The following ARHGAP24 variants were observed in gnomAD, a reference collection of about 807,000 sequenced individuals.
The protein encoded by ARHGAP24 is rho GTPase-activating protein 24.
In ARHGAP24, 50 loss-of-function variants were observed where a neutral mutation model predicts 76.4. That is an observed-to-expected ratio of 0.65 (90% confidence interval 0.52 to 0.83). The LOEUF (loss-of-function observed/expected upper bound fraction) is 0.83, where lower values mean the gene tolerates loss of function less well. Ranked by LOEUF, ARHGAP24 falls within the 40% of genes least tolerant of loss-of-function variation. The probability of loss-of-function intolerance (pLI) is 0.00; values close to 1 mark genes in which losing one functional copy is unlikely to be tolerated. For missense variants in ARHGAP24, 930 were observed against 914.2 expected (o/e 1.02, Z -0.22); for synonymous variants, 345 against 323.3 (o/e 1.07, Z -0.72).
intron 1 of ARHGAP24, among the ~76,000 whole-genome samples, chr4:85,567,030 G>A (rs1304555222): frequency 6.6e-6 from 1 of 152,148 alleles, no homozygotes; most frequent in Non-Finnish European, 1.5e-5. Context: ...GTATGGGGAG[G>A]GATGGGGAGA....
chr4:85,717,137 G>C (rs1404340814), intron 2 of ARHGAP24, among the ~76,000 whole-genome samples: 1 of 152,080 alleles, frequency 6.6e-6, no homozygotes, highest in Non-Finnish European at 1.5e-5. Flanking sequence ...TGGCTCAAGT[G>C]CATGGGGATG....
chr4:85,754,631 A>G (rs1726402924), intron 3 of ARHGAP24, among the ~76,000 whole-genome samples: 1 of 152,240 alleles, frequency 6.6e-6, no homozygotes, highest in South Asian at 2.1e-4. Flanking sequence ...TGAAGAATTC[A>G]ATACTTCTTA....
intron 4 of ARHGAP24, among the ~76,000 whole-genome samples, chr4:85,933,189 A>C (rs1360088496): frequency 1.3e-5 from 2 of 152,152 alleles, no homozygotes; most frequent in African/African-American, 4.8e-5. Context: ...TAAGGAATGC[A>C]ATAAGGAGAA....
At chr4:85,798,810 G>A (rs1393739506) in intron 3 of ARHGAP24, among the ~76,000 whole-genome samples, 1 of 151,984 alleles carries the variant, frequency 6.6e-6, no homozygotes, top group Admixed American at 6.6e-5. Context: ...GGGAAACAAA[G>A]TTCTTTTTAA....
intron 3 of ARHGAP24, among the ~76,000 whole-genome samples, chr4:85,757,539 C>G (rs1726555713): frequency 6.6e-6 from 1 of 152,172 alleles, no homozygotes; most frequent in Non-Finnish European, 1.5e-5. Flanking sequence ...CTACAAAGGA[C>G]ATGAACTCAT....
Position 85,994,857 on chromosome 4 carries a change from C to T in ARHGAP24, c.1203C>T (p.Asn401=), listed in dbSNP as rs746130526. 6.2e-7 allele frequency: 1 copy of T among 1,614,144 alleles called. No individual in the cohort carries two copies. Among genetic ancestry groups the T allele is most frequent in the Non-Finnish European group, 8.5e-7 (1 of 1,180,024 alleles). Reference sequence around the variant, plus strand: ...CAGCTCTATCAGGCAGCAAAACCAACAGCCCAAAGAACAGTGTTCACAAGC... The same window carrying T: ...CAGCTCTATCAGGCAGCAAAACCAATAGCCCAAAGAACAGTGTTCACAAGC... ...SPTALSGSKT[N]SPKNSVHKLD... The change falls in exon 9 of 10, where the codon AAC becomes AAT. Residue 401 remains asparagine, a synonymous_variant. Transcript: ENST00000395184.
intron 1 of ARHGAP24, among the ~76,000 whole-genome samples, chr4:85,480,094 T>C (rs963548580): frequency 2.0e-5 from 3 of 152,214 alleles, no homozygotes; most frequent in African/African-American, 7.2e-5. Context: ...CAATACTTTT[T>C]TGTTAAAATG....
intron 2 of ARHGAP24, among the ~76,000 whole-genome samples, chr4:85,631,643 C>A (rs1031053252): frequency 6.6e-6 from 1 of 151,970 alleles, no homozygotes; most frequent in Non-Finnish European, 1.5e-5. Flanking sequence ...TATAGATTTC[C>A]TATTCTTTCT....
intron 8 of ARHGAP24, among the ~76,000 whole-genome samples, chr4:85,978,211 C>T (rs1264638384): frequency 6.6e-6 from 1 of 152,046 alleles, no homozygotes; most frequent in African/African-American, 2.4e-5. Flanking sequence ...TGTTTTTTCC[C>T]AGCAGGCCTA....
intron 8 of ARHGAP24, among the ~76,000 whole-genome samples, chr4:85,989,173 A>G (rs1740176128): frequency 6.6e-6 from 1 of 151,634 alleles, no homozygotes; most frequent in Non-Finnish European, 1.5e-5. Context: ...AAGAAAAAAC[A>G]ATGTTACATT....
intron 2 of ARHGAP24, among the ~76,000 whole-genome samples, chr4:85,657,892 C>A (rs923361810): frequency 6.6e-6 from 1 of 152,098 alleles, no homozygotes; most frequent in Non-Finnish European, 1.5e-5. Context: ...ATAGCTGGGG[C>A]CACAGGTGCG....
chr4:85,646,784 T>C (rs924538682), intron 2 of ARHGAP24, among the ~76,000 whole-genome samples: 3 of 152,084 alleles, frequency 2.0e-5, no homozygotes, highest in East Asian at 1.9e-4. Flanking sequence ...CAGAGGCTAG[T>C]TGGGAAATTG....
At chr4:85,828,693 A>G (rs940324969) in intron 3 of ARHGAP24, among the ~76,000 whole-genome samples, 1 of 152,184 alleles carries the variant, frequency 6.6e-6, no homozygotes, top group Non-Finnish European at 1.5e-5. Context: ...GTAGAAGTAC[A>G]TGGGAACGCA....
At chr4:85,566,281 G>A (rs552000916) in intron 1 of ARHGAP24, among the ~76,000 whole-genome samples, 5 of 152,136 alleles carry the variant, frequency 3.3e-5, no homozygotes, top group African/African-American at 4.8e-5. Flanking sequence ...TTTTCCCAGC[G>A]GAGATTCAGT....
At chr4:85,875,607 TTA>T (rs35658349) in intron 3 of ARHGAP24, among the ~76,000 whole-genome samples, 4,485 of 119,042 alleles carry the variant, frequency 0.038, 260 homozygotes, top group African/African-American at 0.12. Context: ...TATTTTTATA[TTA>T]TATATATGTA....
intron 4 of ARHGAP24, chr4:85,930,316 G>A (rs1367926595): frequency 2.3e-5 from 23 of 986,704 alleles, no homozygotes; most frequent in Non-Finnish European, 2.8e-5. Context: ...CCTGCAGAGA[G>A]CATCAAAGGA....
chr4:85,922,263 G>C (rs1735763516), intron 3 of ARHGAP24, among the ~76,000 whole-genome samples: 1 of 152,152 alleles, frequency 6.6e-6, no homozygotes. Context: ...ATCAATGCTA[G>C]AATAGTTGTC....
chr4:85,625,184 T>C (rs967253723), intron 2 of ARHGAP24, among the ~76,000 whole-genome samples: 4 of 152,210 alleles, frequency 2.6e-5, no homozygotes, highest in African/African-American at 9.7e-5. Flanking sequence ...TTTTAGATCT[T>C]TCCTGCTTTC....
chr4:85,729,355 C>A (rs1000001060), intron 3 of ARHGAP24, among the ~76,000 whole-genome samples: 67 of 152,250 alleles, frequency 4.4e-4, no homozygotes, highest in African/African-American at 1.5e-3. Context: ...ATTTTTGTTT[C>A]AAAATTCCCT....
Sources: allele counts gnomAD v4.1 joint callset (sites outside exome capture counted in the v4.1 genomes callset), GRCh38; gene constraint gnomAD v4.1.1; transcripts MANE v1.5; gene names NCBI Gene and HGNC (gene_info 2026-07-23, HGNC 2026-07-21).